CEP78: variants seen among roughly 807,000 people sequenced by gnomAD.
CEP78 encodes the protein centrosomal protein of 78 kDa.
In CEP78, 76 loss-of-function variants were observed where a neutral mutation model predicts 81.2. The ratio of observed to expected loss-of-function variants is 0.94; its 90% CI spans 0.78 to 1.13. The LOEUF (loss-of-function observed/expected upper bound fraction) is 1.13. Ranked by LOEUF, CEP78 falls within the 50% of genes most tolerant of loss-of-function variation. CEP78 has a pLI of 0.00. For synonymous variants in CEP78, 293 were observed against 301.4 expected (o/e 0.97, Z 0.29); for missense variants, 918 against 846.8 (o/e 1.08, Z -1.04).
At position 78,250,340 on chromosome 9, in the gene CEP78, A is replaced by G. The variant is rs181137476; in HGVS notation, c.1069+1467A>G. The G allele has an allele frequency of 3.0e-5, 12 of 398,022 alleles. No individual in the cohort carries two copies. The Admixed American group carries it at 4.0e-4, about 13-fold the overall frequency. The allele number at this position is 398,022 out of a possible 1,614,324, so 24.7% of individuals were successfully genotyped here. A position where few individuals can be genotyped will look rare whatever the true frequency, so the allele number is the denominator to read the frequency against. ...TATAGGGGTTATATAATTTATGTAA[A>G]TTATGTCACATTCATATTGCAATTA... is the stretch of plus-strand genomic sequence containing the variant. On this transcript the variant is annotated intron_variant, in intron 8 of 16. Coordinates refer to ENST00000643273, the MANE Select transcript of CEP78 (RefSeq NM_001330691.3).
At chr9:78,262,003 G>A (rs1827297947) in intron 11 of CEP78, among the ~76,000 whole-genome samples, 1 of 151,988 alleles carries the variant, frequency 6.6e-6, no homozygotes, top group African/African-American at 2.4e-5. Context: ...ACACACACCT[G>A]GATATTTTGT....
Position 78,267,558 on chromosome 9 carries a change from C to G in CEP78, c.2107+855C>G, listed in dbSNP as rs541871175. On this transcript the variant is annotated intron_variant, in intron 16 of 16. Coordinates refer to ENST00000643273, the MANE Select transcript of CEP78 (RefSeq NM_001330691.3). ...TTTATAGATGAGGTGTCTAAGGAGA[C>G]AGATTATGTGAATTGCCCAAAGTTG... Among the ~76,000 whole-genome samples, 8 of 152,174 alleles carry G rather than the reference C, an allele frequency of 5.3e-5. No homozygotes were observed. The South Asian group carries it at 1.7e-3, about 32-fold the overall frequency.
chr9:78,243,741 C>CT (rs1363167872), intron 5 of CEP78, 105 bp downstream of exon 5: 8 of 768,784 alleles, frequency 1.0e-5, no homozygotes, highest in East Asian at 3.1e-5. Flanking sequence ...TAAAAAGCCT[C>CT]TTTTTTCTAA....
intron 4 of CEP78, 145 bp from the exon 5 acceptor site, chr9:78,243,317 T>G (rs1826317013): frequency 1.8e-6 from 1 of 565,194 alleles, no homozygotes. Flanking sequence ...AATCTACTAT[T>G]TAATCAGTCT....
intron 16 of CEP78, 27 bp from the exon 17 acceptor site, chr9:78,270,814 A>T: frequency 1.5e-6 from 1 of 684,390 alleles, no homozygotes; most frequent in Non-Finnish European, 2.7e-6. Flanking sequence ...AACATGGATG[A>T]CTGAACACAT....
intron 16 of CEP78, among the ~76,000 whole-genome samples, chr9:78,270,385 T>C (rs1827665633): frequency 6.6e-6 from 1 of 152,242 alleles, no homozygotes; most frequent in Admixed American, 6.5e-5. Flanking sequence ...TGTTAAACTT[T>C]CAATATACCT....
intron 5 of CEP78, among the ~76,000 whole-genome samples, chr9:78,245,107 A>T (rs979439519): frequency 6.6e-6 from 1 of 152,132 alleles, no homozygotes; most frequent in Non-Finnish European, 1.5e-5. Context: ...ACCATATTCT[A>T]TCAGATCCAT....
chr9:78,265,608 CAGAG>C, intron 14 of CEP78, 65 bp downstream of exon 14: 1 of 1,405,982 alleles, frequency 7.1e-7, no homozygotes, highest in Admixed American at 2.3e-5. Context: ...ATTACTAAGT[CAGAG>C]AGAAAAGAAT....
intron 11 of CEP78, 131 bp downstream of exon 11, chr9:78,255,095 C>A (rs1198906718): frequency 1.7e-6 from 1 of 593,906 alleles, no homozygotes; most frequent in East Asian, 3.5e-5. Context: ...ATCTCATATC[C>A]CTTGAATGGT....
intron 13 of CEP78, among the ~76,000 whole-genome samples, chr9:78,264,680 T>C (rs1827435579): frequency 6.7e-6 from 1 of 150,280 alleles, no homozygotes; most frequent in African/African-American, 2.5e-5. Flanking sequence ...AACTTGTAGA[T>C]AGAGTAATTG....
intron 8 of CEP78, among the ~76,000 whole-genome samples, chr9:78,251,629 TATTCAAC>T (rs1826763921): frequency 6.6e-6 from 1 of 152,022 alleles, no homozygotes; most frequent in Admixed American, 6.6e-5. Flanking sequence ...ATGTCTCATA[TATTCAAC>T]TTATATTTTA....
intron 15 of CEP78, 142 bp from the exon 16 acceptor site, chr9:78,266,300 G>C: frequency 4.8e-6 from 3 of 619,470 alleles, no homozygotes; most frequent in Non-Finnish European, 8.3e-6. Context: ...AGTTAAGTTG[G>C]CAATCACTTG....
In CEP78 at chr9:78,236,356, C is replaced by A. The variant is rs1429085409; in HGVS notation, c.6C>A (p.Ile2=). 1 of 1,574,524 alleles carries A rather than the reference C, an allele frequency of 6.4e-7. No homozygotes were observed. The highest frequency in any genetic ancestry group is 1.3e-5 in the African/African-American group (1 of 74,252). Residue 2 remains isoleucine, a synonymous_variant, in exon 1 of 17, where the codon ATC becomes ATA. Transcript: ENST00000643273. The part of the protein sequence containing the change: M[I]DSVKLRRDSA... The stretch of plus-strand genomic sequence containing the variant: ...CCCGAGGCCGCCCTCGGGCCATGAT[C>A]GACTCCGTGAAGCTGCGCCGCGACA...
At chr9:78,268,855 A>G (rs1218178537) in intron 16 of CEP78, among the ~76,000 whole-genome samples, 1 of 151,814 alleles carries the variant, frequency 6.6e-6, no homozygotes, top group African/African-American at 2.4e-5. Context: ...ACGGGGTTTC[A>G]CCGTGTTAGC....
intron 12 of CEP78, 107 bp from the exon 13 acceptor site, chr9:78,264,043 A>G: frequency 2.5e-6 from 2 of 803,096 alleles, no homozygotes; most frequent in East Asian, 3.1e-5. Flanking sequence ...AGTTAGATTA[A>G]CTGCAAATTA....
At position 78,264,163 on chromosome 9, in the gene CEP78, A is replaced by G. The variant is rs774184790; in HGVS notation, c.1472A>G (p.Asn491Ser). The change falls in exon 13 of 17, where the codon AAT becomes AGT. Residue 491 changes from asparagine (N) to serine (S), a missense_variant. Asn to Ser is a conservative substitution (Grantham distance 46). Coordinates refer to ENST00000643273, the MANE Select transcript of CEP78 (RefSeq NM_001330691.3). The stretch of plus-strand genomic sequence containing the variant: ...CTTCTTTTATAGCTGGAACATGAAA[A>G]TGCCCAGTTAAGAAATATAAATTTC... ...DKRVSELEHE[N>S]AQLRNINFSL... The G allele has an allele frequency of 2.3e-5, 34 of 1,466,522 alleles. No homozygotes were observed. Among genetic ancestry groups the G allele is most frequent in the Non-Finnish European group, 1.8e-6 (2 of 1,105,804 alleles). The allele number at this position is 1,466,522 out of a possible 1,614,324, so 90.8% of individuals were successfully genotyped here. A position where few individuals can be genotyped will look rare whatever the true frequency, so the allele number is the denominator to read the frequency against.
intron 7 of CEP78, among the ~76,000 whole-genome samples, 185 bp from the exon 8 acceptor site, chr9:78,248,577 A>G (rs1371017159): frequency 1.3e-5 from 2 of 152,160 alleles, no homozygotes; most frequent in African/African-American, 4.8e-5. Context: ...GCCATCTTAA[A>G]TTTACAGTCA....
Position 78,276,544 on chromosome 9 carries a change from G to A in CEP78, c.*5693G>A, listed in dbSNP as rs1416911227. ...AAAAAACCCCCTGTGATGATCTACT[G>A]GCATGCTATTACAGCTAATAAAGCT... On this transcript the variant is annotated 3_prime_UTR_variant, in exon 17 of 17. Coordinates refer to ENST00000643273, the MANE Select transcript of CEP78 (RefSeq NM_001330691.3). The A allele has an allele frequency of 6.6e-6, 1 of 151,004 alleles. No homozygotes were observed. The allele number at this position is 151,004 out of a possible 1,614,324, so 9.4% of individuals were successfully genotyped here.
intron 16 of CEP78, among the ~76,000 whole-genome samples, chr9:78,270,601 C>G (rs1827669887): frequency 6.6e-6 from 1 of 152,178 alleles, no homozygotes; most frequent in East Asian, 1.9e-4. Context: ...CTTAAATTCA[C>G]ACATAATTAC....
Sources: allele counts gnomAD v4.1 joint callset (sites outside exome capture counted in the v4.1 genomes callset), GRCh38; gene constraint gnomAD v4.1.1; transcripts MANE v1.5; gene names NCBI Gene and HGNC (gene_info 2026-07-23, HGNC 2026-07-21).